The following HMGCLL1 variants were observed in gnomAD, a reference collection of about 807,000 sequenced individuals.
The protein encoded by HMGCLL1 is 3-hydroxymethyl-3-methylglutaryl-CoA lyase, cytoplasmic.
HMGCLL1 carries 36 observed loss-of-function variants against 39.1 expected under a neutral mutation model. The observed-to-expected ratio is 0.92, with a 90% confidence interval of 0.71 to 1.22. The LOEUF (loss-of-function observed/expected upper bound fraction) is 1.22. HMGCLL1 is among the 50% of genes most tolerant of loss of function. HMGCLL1 has a pLI of 0.00. For missense variants in HMGCLL1, 451 were observed against 416.5 expected, an observed-to-expected ratio of 1.08 and a Z score of -0.72; for synonymous variants, 149 against 144.0, an observed-to-expected ratio of 1.03 and a Z score of -0.25.
the HMGCLL1 span, among the ~76,000 whole-genome samples, chr6:55,621,703 A>T: frequency 1.3e-5 from 2 of 152,060 alleles, no homozygotes; most frequent in Non-Finnish European, 2.9e-5. Context: ...TTACAGTATA[A>T]TAATAACAGA....
At chr6:55,465,170 T>C (rs889427782) in intron 7 of HMGCLL1, among the ~76,000 whole-genome samples, 1 of 152,156 alleles carries the variant, frequency 6.6e-6, no homozygotes. Context: ...TTTCTCCTAG[T>C]ACTTTATTGT....
At position 55,570,665 on chromosome 6, in the gene HMGCLL1, G is replaced by A. The variant is rs564040013; in HGVS notation, c.108+8283C>T. Among the ~76,000 whole-genome samples, 5 of 152,130 alleles carry A rather than the reference G, an allele frequency of 3.3e-5. No individual in the cohort carries two copies. The South Asian group carries it at 8.3e-4, about 25-fold the overall frequency. The stretch of plus-strand genomic sequence containing the variant: ...TGGTGGACCTTCCATCCAATATTTG[G>A]TTTTCAGTGAAATTCACTGGACTTT... On this transcript the variant is annotated intron_variant, in intron 1 of 8. Coordinates refer to ENST00000274901, the MANE Select transcript of HMGCLL1 (RefSeq NM_001042406.2).
intron 5 of HMGCLL1, among the ~76,000 whole-genome samples, chr6:55,510,249 G>C (rs925122515): frequency 2.0e-5 from 3 of 151,906 alleles, no homozygotes; most frequent in Non-Finnish European, 2.9e-5. Flanking sequence ...AGTATAAGAT[G>C]TAATTATGTA....
intron 7 of HMGCLL1, among the ~76,000 whole-genome samples, chr6:55,485,406 C>T (rs1765972551): frequency 6.6e-6 from 1 of 151,798 alleles, no homozygotes. Flanking sequence ...GGCTGTGTGC[C>T]TAGAACAGTA....
chr6:55,597,197 T>TTCCA, the HMGCLL1 span, among the ~76,000 whole-genome samples: 1 of 152,088 alleles, frequency 6.6e-6, no homozygotes, highest in Admixed American at 6.6e-5. Flanking sequence ...GATTTTTGGC[T>TTCCA]TCCATTACAA....
At chr6:55,533,835 G>A (rs1768839172) in intron 3 of HMGCLL1, among the ~76,000 whole-genome samples, 1 of 130,094 alleles carries the variant, frequency 7.7e-6, no homozygotes, top group African/African-American at 2.8e-5. Context: ...GCAGTGAGCC[G>A]AGATCGCGCC....
chr6:55,653,373 T>C, the HMGCLL1 span, among the ~76,000 whole-genome samples: 1 of 152,032 alleles, frequency 6.6e-6, no homozygotes, highest in Non-Finnish European at 1.5e-5. Context: ...AAGTCGATTG[T>C]ATGAAACCTA....
intron 1 of HMGCLL1, among the ~76,000 whole-genome samples, chr6:55,560,289 T>C (rs1367812995): frequency 1.3e-5 from 2 of 152,254 alleles, no homozygotes; most frequent in African/African-American, 4.8e-5. Flanking sequence ...ACTATAAAGG[T>C]GTAATAGCAG....
At chr6:55,652,061 T>G in the HMGCLL1 span, among the ~76,000 whole-genome samples, 2 of 152,052 alleles carry the variant, frequency 1.3e-5, no homozygotes, top group East Asian at 3.9e-4. Context: ...ACTGTGATTT[T>G]TCGCCTGATT....
the HMGCLL1 span, among the ~76,000 whole-genome samples, chr6:55,629,054 C>T: frequency 1.3e-5 from 2 of 152,072 alleles, no homozygotes; most frequent in East Asian, 1.9e-4. Context: ...AACGTGGAAG[C>T]GACTTTGGAA....
At chr6:55,508,868 G>C (rs1767299437) in intron 5 of HMGCLL1, among the ~76,000 whole-genome samples, 1 of 151,132 alleles carries the variant, frequency 6.6e-6, no homozygotes, top group Non-Finnish European at 1.5e-5. Flanking sequence ...GCCCAGGTAT[G>C]GCAAGGTATA....
At chr6:55,515,590 A>G (rs1008449129) in intron 4 of HMGCLL1, among the ~76,000 whole-genome samples, 9 of 152,150 alleles carry the variant, frequency 5.9e-5, no homozygotes, top group Admixed American at 5.2e-4. Flanking sequence ...GAATTGCTCC[A>G]AAGTCAAGAT....
At chr6:55,456,426 A>C (rs1764324298) in intron 7 of HMGCLL1, among the ~76,000 whole-genome samples, 1 of 152,210 alleles carries the variant, frequency 6.6e-6, no homozygotes, top group African/African-American at 2.4e-5. Flanking sequence ...TCACATAAAC[A>C]TGGGGTATGC....
chr6:55,535,275 A>T (rs1768947515), intron 3 of HMGCLL1, among the ~76,000 whole-genome samples: 1 of 152,232 alleles, frequency 6.6e-6, no homozygotes, highest in Non-Finnish European at 1.5e-5. Flanking sequence ...ATGAACCATG[A>T]CAACTCTTAT....
chr6:55,619,243 C>T, the HMGCLL1 span, among the ~76,000 whole-genome samples: 8,854 of 151,646 alleles, frequency 0.058, 417 homozygotes, highest in Non-Finnish European at 0.082. Context: ...TCATGTGTTA[C>T]GAAGTTGAAT....
chr6:55,476,055 G>C (rs1048959086), intron 7 of HMGCLL1, among the ~76,000 whole-genome samples: 8 of 150,526 alleles, frequency 5.3e-5, no homozygotes, highest in African/African-American at 2.0e-4. Flanking sequence ...GATTGCCTTG[G>C]CTATTGTAGG....
intron 1 of HMGCLL1, among the ~76,000 whole-genome samples, chr6:55,576,797 G>T (rs967751008): frequency 6.6e-6 from 1 of 152,152 alleles, no homozygotes; most frequent in Non-Finnish European, 1.5e-5. Flanking sequence ...AAATTATACT[G>T]GCATTCCCTG....
At chr6:55,605,708 T>A in the HMGCLL1 span, among the ~76,000 whole-genome samples, 1 of 152,148 alleles carries the variant, frequency 6.6e-6, no homozygotes, top group East Asian at 1.9e-4. Context: ...AGATTGATGG[T>A]TTTCTATTTT....
chr6:55,577,309 A>G, intron 1 of HMGCLL1: 1 of 1,230,394 alleles, frequency 8.1e-7, no homozygotes, highest in Non-Finnish European at 1.1e-6. Flanking sequence ...GAACACAAAA[A>G]GAAGCATAAC....
Sources: gnomAD v4.1 joint callset for allele counts (sites outside exome capture counted in the v4.1 genomes callset) on GRCh38, gnomAD v4.1.1 for gene constraint, MANE v1.5 for transcripts, NCBI Gene and HGNC (gene_info 2026-07-23, HGNC 2026-07-21) for gene names.